Variants in ATP10B observed in about 807,000 individuals in gnomAD.
The protein encoded by ATP10B is ATPase phospholipid transporting 10B (putative), also known as phospholipid-transporting ATPase VB.
A neutral mutation model predicts 141.2 loss-of-function variants in ATP10B; 122 were observed. The observed-to-expected ratio is 0.86, with a 90% CI of 0.75 to 1.00. The LOEUF is 1.00. ATP10B is among the 50% of genes least tolerant of loss of function. ATP10B has a pLI of 0.00. For synonymous variants in ATP10B, 685 were observed against 692.0 expected (o/e 0.99, Z 0.16); for missense variants, 1,876 against 1,825.3 (o/e 1.03, Z -0.51).
chr5:160,840,938 G>A (rs1775775831), intron 1 of ATP10B, among the ~76,000 whole-genome samples: 1 of 152,110 alleles, frequency 6.6e-6, no homozygotes. Flanking sequence ...TTCAAAGCTT[G>A]ATGATATATT....
chr5:160,754,023 AAAGAAACTTGCCC>A (rs1379883239), intron 2 of ATP10B, among the ~76,000 whole-genome samples: 1 of 152,238 alleles, frequency 6.6e-6, no homozygotes, highest in Non-Finnish European at 1.5e-5. Flanking sequence ...GAGTTTCCCA[AAAGAAACTTGCCC>A]AAGCTAAACT....
At chr5:160,892,431 A>G in the ATP10B span, among the ~76,000 whole-genome samples, 1 of 152,244 alleles carries the variant, frequency 6.6e-6, no homozygotes, top group African/African-American at 2.4e-5. Context: ...CTCCATTCAG[A>G]CAGACCATTC....
intron 2 of ATP10B, among the ~76,000 whole-genome samples, chr5:160,749,439 C>T (rs1412979232): frequency 6.6e-6 from 1 of 152,202 alleles, no homozygotes; most frequent in Non-Finnish European, 1.5e-5. Context: ...CTGCCCTCCT[C>T]ATACTGTGAT....
Position 160,707,625 on chromosome 5 carries a change from T to G in ATP10B, c.-205+9284A>C, listed in dbSNP as rs186283443. ...TCAAGTACATCTTTCTGAAGAATAA[T>G]AGACCAAAGTTGTTAATCTGTTTTT... On this transcript the variant is annotated intron_variant, in intron 3 of 25. Transcript: ENST00000327245. 5.9e-5 allele frequency among the ~76,000 whole-genome samples: 9 copies of G among 152,318 alleles called. No individual in the cohort carries two copies. In the East Asian group the frequency reaches 1.7e-3, roughly 29 times the overall value.
chr5:160,842,461 GGAA>G (rs906290068), intron 1 of ATP10B, among the ~76,000 whole-genome samples: 2 of 151,702 alleles, frequency 1.3e-5, no homozygotes, highest in African/African-American at 4.8e-5. Context: ...AAATGTAAAC[GGAA>G]GAAGGTCAAT....
At chr5:160,906,599 A>G in the ATP10B span, among the ~76,000 whole-genome samples, 2 of 152,196 alleles carry the variant, frequency 1.3e-5, no homozygotes, top group African/African-American at 4.8e-5. Flanking sequence ...CTATACACCC[A>G]TCTCTACTTC....
At chr5:160,867,730 T>C in the ATP10B span, among the ~76,000 whole-genome samples, 314 of 152,282 alleles carry the variant, frequency 2.1e-3, no homozygotes, top group African/African-American at 7.4e-3. Context: ...TGTGTTTTAG[T>C]ATAATAGATG....
intron 6 of ATP10B, among the ~76,000 whole-genome samples, chr5:160,681,192 G>A (rs1227459068): frequency 6.6e-6 from 1 of 152,184 alleles, no homozygotes; most frequent in Non-Finnish European, 1.5e-5. Flanking sequence ...TGACAGCTGG[G>A]TTAAACAAAG....
At chr5:160,650,717 CAGA>C (rs993120937) in intron 7 of ATP10B, among the ~76,000 whole-genome samples, 1 of 152,194 alleles carries the variant, frequency 6.6e-6, no homozygotes, top group African/African-American at 2.4e-5. Flanking sequence ...CTTATGTCTT[CAGA>C]TGAATGCACA....
chr5:160,687,943 C>T lies in ATP10B; in HGVS notation c.132G>A (p.Gln44=), dbSNP rs774436240. The T allele has an allele frequency of 1.2e-6, 2 of 1,614,150 alleles. No individual in the cohort carries two copies. The highest frequency in any genetic ancestry group is 1.7e-6 in the Non-Finnish European group (2 of 1,180,030). ...TGTTGTTGGGGAACACGACCCGCTG[C>T]TGTGTCAAGTTGTAGCTCTGTCTCC... ...EKGRQSYNLT[Q]QRVVFPNNSI... Residue 44 remains glutamine, a synonymous_variant, in exon 5 of 26, where the codon CAG becomes CAA. Coordinates refer to ENST00000327245, the MANE Select transcript of ATP10B (RefSeq NM_025153.3).
chr5:160,774,073 G>A (rs979397590), intron 2 of ATP10B, among the ~76,000 whole-genome samples: 2 of 152,250 alleles, frequency 1.3e-5, no homozygotes, highest in Non-Finnish European at 2.9e-5. Flanking sequence ...GTAGGAAAAT[G>A]CAGCAGTTTT....
intron 1 of ATP10B, among the ~76,000 whole-genome samples, chr5:160,826,184 AT>A (rs1774589115): frequency 6.6e-6 from 1 of 152,044 alleles, no homozygotes. Flanking sequence ...CAGTAATGGT[AT>A]TCCTGAGTTG....
At chr5:160,746,912 A>T (rs574160902) in intron 2 of ATP10B, among the ~76,000 whole-genome samples, 44 of 152,310 alleles carry the variant, frequency 2.9e-4, no homozygotes, top group African/African-American at 1.0e-3. Context: ...ATTTGAACCA[A>T]TGGCTTTATA....
rs902341720 is a variant in ATP10B at position 160,775,125 on chromosome 5, A to G, written c.-331+10434T>C. Among the ~76,000 whole-genome samples the G allele has an allele frequency of 2.6e-5, 4 of 152,324 alleles. No individual in the cohort carries two copies. The South Asian group carries it at 8.3e-4, about 32-fold the overall frequency. On this transcript the variant is annotated intron_variant, in intron 2 of 25. Transcript: ENST00000327245. ...CTGTAGCAGTTCTGCAGAAGTCACT[A>G]GCCGTGGCCGTGTTTATCAGTCAGA... is the stretch of plus-strand genomic sequence containing the variant.
intron 7 of ATP10B, among the ~76,000 whole-genome samples, chr5:160,659,400 G>A (rs912371997): frequency 6.6e-6 from 1 of 152,132 alleles, no homozygotes; most frequent in African/African-American, 2.4e-5. Context: ...AGGAGGCAGA[G>A]GTTGCAGTGA....
chr5:160,614,867 C>T (rs1472819379), intron 17 of ATP10B, among the ~76,000 whole-genome samples: 1 of 152,190 alleles, frequency 6.6e-6, no homozygotes, highest in Non-Finnish European at 1.5e-5. Context: ...CAACACTGTC[C>T]ACCAAGAATA....
intron 7 of ATP10B, among the ~76,000 whole-genome samples, chr5:160,665,188 A>G (rs1046943175): frequency 6.6e-6 from 1 of 152,222 alleles, no homozygotes. Flanking sequence ...AAGAATTCTG[A>G]GGAAAGGATT....
At position 160,565,579 on chromosome 5, in the gene ATP10B, T is replaced by C; in HGVS notation, c.4260A>G (p.Gln1420=). 6.2e-7 allele frequency: 1 copy of C among 1,613,994 alleles called. No homozygotes were observed. The highest frequency in any genetic ancestry group is 8.5e-7 in the Non-Finnish European group (1 of 1,179,938). Residue 1420 remains glutamine (Q), a synonymous_variant, in exon 26 of 26, where the codon CAA becomes CAG. Coordinates refer to ENST00000327245, the MANE Select transcript of ATP10B (RefSeq NM_025153.3). ...DDSCSGDSSA[Q]LSSGEHLLGP... is the part of the protein sequence containing the mutation. ...CCAGCAGGTGCTCCCCGGATGAGAG[T>C]TGAGCTGAGGAGTCCCCTGAGCATG... is the stretch of plus-strand genomic sequence containing the variant.
chr5:160,685,084 C>T, intron 6 of ATP10B: 1 of 703,618 alleles, frequency 1.4e-6, no homozygotes, highest in South Asian at 1.5e-5. Flanking sequence ...GGTGTACTTG[C>T]TGGTCTTGAT....
Sources: gnomAD v4.1 joint callset for allele counts (sites outside exome capture counted in the v4.1 genomes callset) on GRCh38, gnomAD v4.1.1 for gene constraint, MANE v1.5 for transcripts, NCBI Gene and HGNC (gene_info 2026-07-23, HGNC 2026-07-21) for gene names.